The following CDH18 variants were observed in gnomAD, a reference collection of about 807,000 sequenced individuals.
CDH18 encodes cadherin 18.
Under a neutral mutation model 67.9 loss-of-function variants are expected in CDH18, and 31 were observed. The observed-to-expected ratio is 0.46, with a 90% CI of 0.34 to 0.62. CDH18 has a LOEUF of 0.62. Ranked by LOEUF, CDH18 falls within the 20% of genes least tolerant of loss-of-function variation. CDH18 has a pLI of 0.01. For missense variants in CDH18, 890 were observed against 975.5 expected (o/e 0.91, Z 1.17); for synonymous variants, 362 against 347.2 (o/e 1.04, Z -0.48).
At chr5:19,742,771 T>C (rs1769388353) in intron 4 of CDH18, among the ~76,000 whole-genome samples, 2 of 151,988 alleles carry the variant, frequency 1.3e-5, no homozygotes, top group Admixed American at 1.3e-4. Flanking sequence ...CAAGAAAGAA[T>C]TGAATAAATA....
chr5:20,090,699 A>G (rs2150559208), intron 2 of CDH18, among the ~76,000 whole-genome samples: 1 of 152,214 alleles, frequency 6.6e-6, no homozygotes, highest in South Asian at 2.1e-4. Context: ...CTTCTCTTTC[A>G]ACCTCGTGAA....
intron 1 of CDH18, among the ~76,000 whole-genome samples, chr5:20,361,767 A>C: frequency 6.6e-6 from 1 of 152,254 alleles, no homozygotes; most frequent in East Asian, 1.9e-4. Context: ...GGTTATTTTC[A>C]TCTAACAACA....
At chr5:20,367,357 C>T (rs1742605301) in intron 1 of CDH18, among the ~76,000 whole-genome samples, 1 of 152,102 alleles carries the variant, frequency 6.6e-6, no homozygotes, top group Non-Finnish European at 1.5e-5. Context: ...TCAGGCTTCT[C>T]CCATCATAAA....
chr5:20,245,653 A>C (rs1194880707), intron 2 of CDH18, among the ~76,000 whole-genome samples: 1 of 152,108 alleles, frequency 6.6e-6, no homozygotes, highest in East Asian at 1.9e-4. Flanking sequence ...AATGCTCATA[A>C]AGTTGAAGGA....
At chr5:20,412,466 C>G (rs1353990679) in intron 1 of CDH18, among the ~76,000 whole-genome samples, 1 of 152,142 alleles carries the variant, frequency 6.6e-6, no homozygotes, top group Non-Finnish European at 1.5e-5. Context: ...GTAACTAAAA[C>G]CTCAAAGGCA....
intron 6 of CDH18, among the ~76,000 whole-genome samples, chr5:19,607,018 T>G (rs1030163241): frequency 6.6e-6 from 1 of 151,700 alleles, no homozygotes; most frequent in Non-Finnish European, 1.5e-5. Context: ...GCAAATTATA[T>G]TAATAATTAT....
At chr5:19,729,625 T>G (rs1320008739) in intron 4 of CDH18, among the ~76,000 whole-genome samples, 3 of 152,202 alleles carry the variant, frequency 2.0e-5, no homozygotes, top group African/African-American at 7.2e-5. Context: ...AAGTCCATTT[T>G]GTCAAATAAG....
chr5:20,244,014 G>A (rs1743186118), intron 2 of CDH18, among the ~76,000 whole-genome samples: 1 of 152,018 alleles, frequency 6.6e-6, no homozygotes, highest in African/African-American at 2.4e-5. Flanking sequence ...TGACATTCCT[G>A]AGTTAAAAAT....
chr5:20,182,597 CAAAAAAAAAA>C (rs778083062), intron 2 of CDH18, among the ~76,000 whole-genome samples: 2 of 47,426 alleles, frequency 4.2e-5, no homozygotes, highest in Admixed American at 2.2e-4. Context: ...AGCTAAATCT[CAAAAAAAAAA>C]AAAAAAAAAA....
intron 10 of CDH18, among the ~76,000 whole-genome samples, chr5:19,516,482 A>T (rs550173370): frequency 7.2e-5 from 11 of 151,784 alleles, no homozygotes; most frequent in Admixed American, 3.3e-4. Flanking sequence ...CTGGTCCTAG[A>T]CTTTTTTTGG....
At chr5:20,066,965 A>AT (rs1743031638) in intron 2 of CDH18, among the ~76,000 whole-genome samples, 1 of 151,928 alleles carries the variant, frequency 6.6e-6, no homozygotes, top group African/African-American at 2.4e-5. Context: ...ATATCCATGG[A>AT]TTCCTCATCC....
At chr5:20,250,993 A>C (rs1419690214) in intron 2 of CDH18, among the ~76,000 whole-genome samples, 1 of 152,142 alleles carries the variant, frequency 6.6e-6, no homozygotes, top group Non-Finnish European at 1.5e-5. Flanking sequence ...TGTTAATTTG[A>C]CTTAAAGCCA....
At chr5:20,390,439 C>T (rs951428175) in intron 1 of CDH18, among the ~76,000 whole-genome samples, 4 of 152,016 alleles carry the variant, frequency 2.6e-5, no homozygotes, top group Admixed American at 1.3e-4. Context: ...CACAATGAGA[C>T]ACCATCTCAC....
intron 2 of CDH18, among the ~76,000 whole-genome samples, chr5:19,874,685 T>G (rs923271572): frequency 3.9e-5 from 6 of 152,188 alleles, no homozygotes; most frequent in African/African-American, 1.4e-4. Flanking sequence ...TGAATTGAAT[T>G]TTACTATATC....
At chr5:20,215,421 T>G (rs1235909382) in intron 2 of CDH18, among the ~76,000 whole-genome samples, 2 of 148,056 alleles carry the variant, frequency 1.4e-5, no homozygotes, top group African/African-American at 5.0e-5. Flanking sequence ...TTTGTGAAGC[T>G]CTTCCATCCA....
chr5:20,355,404 A>G (rs1741531278), intron 1 of CDH18, among the ~76,000 whole-genome samples: 3 of 152,232 alleles, frequency 2.0e-5, no homozygotes, highest in Admixed American at 2.0e-4. Context: ...CATTTCACAT[A>G]TGAATTAAAC....
intron 3 of CDH18, among the ~76,000 whole-genome samples, chr5:19,770,121 T>C (rs1451875731): frequency 6.6e-6 from 1 of 152,048 alleles, no homozygotes; most frequent in Non-Finnish European, 1.5e-5. Context: ...TGCAGATAGA[T>C]TGTAAAGTGG....
intron 1 of CDH18, among the ~76,000 whole-genome samples, chr5:20,565,944 C>T (rs369819227): frequency 6.6e-6 from 1 of 152,002 alleles, no homozygotes; most frequent in East Asian, 1.9e-4. Context: ...TATGTTTTGT[C>T]ATCTTTTGTC....
chr5:19,646,711 A>C (rs1239086499), intron 5 of CDH18, among the ~76,000 whole-genome samples: 1 of 152,196 alleles, frequency 6.6e-6, no homozygotes, highest in East Asian at 1.9e-4. Context: ...AAATGGAATA[A>C]AGGATGTATG....
Sources: allele counts gnomAD v4.1 joint callset (sites outside exome capture counted in the v4.1 genomes callset), GRCh38; gene constraint gnomAD v4.1.1; transcripts MANE v1.5; gene names NCBI Gene and HGNC (gene_info 2026-07-23, HGNC 2026-07-21).